The following TPST1 variants were observed in gnomAD, a reference collection of about 807,000 sequenced individuals.
TPST1 encodes tyrosylprotein sulfotransferase 1, also known as protein-tyrosine sulfotransferase 1.
Under a neutral mutation model 34.8 loss-of-function variants are expected in TPST1, and 20 were observed. The observed-to-expected ratio is 0.57, with a 90% CI of 0.40 to 0.84. The LOEUF (loss-of-function observed/expected upper bound fraction) is 0.84, where lower values mean the gene tolerates loss of function less well. Among genes scored for constraint, TPST1 ranks in the 40% least tolerant of loss-of-function variants. The pLI, the probability that TPST1 is intolerant of heterozygous loss-of-function variation, is 0.00. For missense variants in TPST1, 353 were observed against 455.5 expected, an observed-to-expected ratio of 0.78 and a Z score of 2.05; for synonymous variants, 152 against 159.4, an observed-to-expected ratio of 0.95 and a Z score of 0.35.
At chr7:66,301,469 G>A (rs1327905733) in intron 3 of TPST1, among the ~76,000 whole-genome samples, 4 of 152,224 alleles carry the variant, frequency 2.6e-5, no homozygotes, top group African/African-American at 7.2e-5. Context: ...TTTGATGGAA[G>A]AGGCCTGGCT....
chr7:66,334,793 C>A (rs1176123735), intron 3 of TPST1, among the ~76,000 whole-genome samples: 5 of 152,122 alleles, frequency 3.3e-5, no homozygotes, highest in Non-Finnish European at 7.3e-5. Context: ...TGGCATAACA[C>A]CACTCAGGGA....
chr7:66,330,072 C>T (rs1355867720), intron 3 of TPST1, among the ~76,000 whole-genome samples: 1 of 152,158 alleles, frequency 6.6e-6, no homozygotes, highest in Non-Finnish European at 1.5e-5. Flanking sequence ...CTGTAACAAA[C>T]CTGCACATGT....
intron 1 of TPST1, among the ~76,000 whole-genome samples, chr7:66,217,657 G>T (rs1406146000): frequency 2.0e-5 from 3 of 148,950 alleles, no homozygotes. Context: ...GTGCACTGGT[G>T]TGATCTCGGC....
At chr7:66,326,675 T>G (rs1791873206) in intron 3 of TPST1, among the ~76,000 whole-genome samples, 1 of 152,166 alleles carries the variant, frequency 6.6e-6, no homozygotes, top group African/African-American at 2.4e-5. Flanking sequence ...GGTTCCTATT[T>G]CACAGTCACG....
upstream of TPST1, among the ~76,000 whole-genome samples, chr7:66,202,617 C>T (rs546149846): frequency 1.3e-5 from 2 of 152,150 alleles, no homozygotes; most frequent in African/African-American, 4.8e-5. Flanking sequence ...TGGTGGCTTC[C>T]GTATTACTGA....
At chr7:66,206,079 A>C (rs1789122700) in intron 1 of TPST1, among the ~76,000 whole-genome samples, 1 of 149,560 alleles carries the variant, frequency 6.7e-6, no homozygotes. Context: ...CTTACTCTTA[A>C]ACCTCCAGAC....
chr7:66,317,152 G>A (rs1187922034), intron 3 of TPST1, among the ~76,000 whole-genome samples: 1 of 152,216 alleles, frequency 6.6e-6, no homozygotes, highest in Non-Finnish European at 1.5e-5. Context: ...CACCACTTGT[G>A]ATAAAGTTGT....
At chr7:66,333,607 A>G (rs1792038109) in intron 3 of TPST1, among the ~76,000 whole-genome samples, 1 of 152,200 alleles carries the variant, frequency 6.6e-6, no homozygotes, top group Non-Finnish European at 1.5e-5. Context: ...CTTGTGAATA[A>G]TTAACAGTAA....
At chr7:66,355,173 A>C (rs913341165) in intron 4 of TPST1, among the ~76,000 whole-genome samples, 4 of 152,008 alleles carry the variant, frequency 2.6e-5, no homozygotes, top group African/African-American at 7.2e-5. Flanking sequence ...AATATATTTG[A>C]AACAAAGGAC....
At chr7:66,341,383 A>C (rs922658553) in intron 3 of TPST1, among the ~76,000 whole-genome samples, 1 of 152,104 alleles carries the variant, frequency 6.6e-6, no homozygotes, top group South Asian at 2.1e-4. Context: ...GGTTCAAGCA[A>C]TTCTCTGCCT....
At chr7:66,227,221 C>CG (rs1354567986) in intron 1 of TPST1, among the ~76,000 whole-genome samples, 3 of 151,360 alleles carry the variant, frequency 2.0e-5, no homozygotes, top group African/African-American at 7.3e-5. Context: ...TTAGTAGAGA[C>CG]GGGGTTTCAC....
chr7:66,298,642 GT>G lies in TPST1; in HGVS notation c.1044+11939del, dbSNP rs576954928. Among the ~76,000 whole-genome samples the G allele has an allele frequency of 6.6e-5, 10 of 152,102 alleles. No homozygotes were observed. In the East Asian group the frequency reaches 1.9e-3, roughly 29 times the overall value. On this transcript the variant is annotated intron_variant, in intron 3 of 5. Coordinates refer to ENST00000304842, the MANE Select transcript of TPST1 (RefSeq NM_003596.4). Reference sequence around the variant, plus strand: ...ATTTAAAACTACCATCTTGCTATTTGTTTTTTATTTGGATCATCTATTTTTG... The same window carrying G: ...ATTTAAAACTACCATCTTGCTATTTGTTTTTATTTGGATCATCTATTTTTG...
intron 4 of TPST1, chr7:66,352,943 CCTTTGA>C (rs1195221724): frequency 1.0e-6 from 1 of 985,238 alleles, no homozygotes; most frequent in Admixed American, 6.2e-5. Flanking sequence ...CATCCTTGCC[CCTTTGA>C]CTTTTCTCAT....
At chr7:66,246,617 C>T (rs1268891644) in intron 2 of TPST1, among the ~76,000 whole-genome samples, 1 of 152,216 alleles carries the variant, frequency 6.6e-6, no homozygotes, top group African/African-American at 2.4e-5. Flanking sequence ...GATTAGATTT[C>T]TCTACAAATA....
At chr7:66,209,596 C>T (rs1014997909) in intron 1 of TPST1, among the ~76,000 whole-genome samples, 5 of 152,296 alleles carry the variant, frequency 3.3e-5, no homozygotes, top group Admixed American at 6.5e-5. Flanking sequence ...CCGTGGAATG[C>T]GTTTTCCCAC....
chr7:66,325,567 C>T (rs571105055), intron 3 of TPST1, among the ~76,000 whole-genome samples: 1 of 151,478 alleles, frequency 6.6e-6, no homozygotes, highest in Non-Finnish European at 1.5e-5. Flanking sequence ...GATTCTCCCA[C>T]CTCACCCTCC....
Position 66,356,883 on chromosome 7 carries a change from G to C in TPST1, c.*29+12G>C. ...CTTCCATACATGAGGTGAGGGTTGG[G>C]GGACATTGCCAGGTCTTTCTGTTTC... is the stretch of plus-strand genomic sequence containing the variant. On this transcript the variant is annotated intron_variant, in intron 5 of 5. Transcript: ENST00000304842. The C allele has an allele frequency of 1.9e-6, 3 of 1,613,968 alleles. No homozygotes were observed. The highest frequency in any genetic ancestry group is 2.5e-6 in the Non-Finnish European group (3 of 1,179,902).
intron 2 of TPST1, among the ~76,000 whole-genome samples, chr7:66,242,418 A>G (rs1008251850): frequency 1.3e-5 from 2 of 151,872 alleles, no homozygotes; most frequent in Non-Finnish European, 2.9e-5. Context: ...TTTTTGCTGT[A>G]TAGAACTTGT....
chr7:66,313,621 A>G (rs1791576305), intron 3 of TPST1, among the ~76,000 whole-genome samples: 1 of 152,054 alleles, frequency 6.6e-6, no homozygotes, highest in African/African-American at 2.4e-5. Context: ...CGTTCCTCAT[A>G]TTTTCCAGGA....
Sources: allele counts gnomAD v4.1 joint callset (sites outside exome capture counted in the v4.1 genomes callset), GRCh38; gene constraint gnomAD v4.1.1; transcripts MANE v1.5; gene names NCBI Gene and HGNC (gene_info 2026-07-23, HGNC 2026-07-21).